The following HYDIN variants were observed in gnomAD, a reference collection of about 807,000 sequenced individuals.
The protein encoded by HYDIN is HYDIN axonemal central pair apparatus protein.
In HYDIN, 132 loss-of-function variants were observed where a neutral mutation model predicts 403.9. The ratio of observed to expected loss-of-function variants is 0.33; its 90% CI spans 0.28 to 0.38. HYDIN has a LOEUF of 0.38. Among genes scored for constraint, HYDIN ranks in the 10% least tolerant of loss-of-function variants. HYDIN has a pLI of 1.00. For synonymous variants in HYDIN, 1,202 were observed against 1,891.7 expected (o/e 0.64, Z 9.46); for missense variants, 2,827 against 5,009.5 (o/e 0.56, Z 13.15).
At chr16:71,172,535 G>C (rs2086509535) in intron 5 of HYDIN, among the ~76,000 whole-genome samples, 1 of 152,110 alleles carries the variant, frequency 6.6e-6, no homozygotes, top group Non-Finnish European at 1.5e-5. Context: ...TAAAAAGTCT[G>C]AGTGAGGAGA....
chr16:70,999,181 A>C (rs1238684870), intron 23 of HYDIN, among the ~76,000 whole-genome samples: 1 of 152,222 alleles, frequency 6.6e-6, no homozygotes, highest in African/African-American at 2.4e-5. Context: ...TTGGCTGGCC[A>C]TTGGGATCCT....
At chr16:70,824,823 T>C (rs1324399024) in intron 83 of HYDIN, among the ~76,000 whole-genome samples, 1 of 152,188 alleles carries the variant, frequency 6.6e-6, no homozygotes, top group Non-Finnish European at 1.5e-5. Context: ...TATTTTCAGA[T>C]AGAATTTGTG....
intron 1 of HYDIN, among the ~76,000 whole-genome samples, chr16:71,212,832 C>G (rs117123941): frequency 6.6e-6 from 1 of 151,922 alleles, no homozygotes. Flanking sequence ...AATGAAGATT[C>G]AAGAAGCTCA....
At chr16:70,942,375 T>C (rs2077706794) in intron 42 of HYDIN, among the ~76,000 whole-genome samples, 1 of 151,608 alleles carries the variant, frequency 6.6e-6, no homozygotes, top group Non-Finnish European at 1.5e-5. Context: ...TAGAAATAAA[T>C]GAACAAACAA....
At chr16:70,977,625 G>A (rs551845709) in intron 30 of HYDIN, among the ~76,000 whole-genome samples, 2 of 134,916 alleles carry the variant, frequency 1.5e-5, no homozygotes, top group African/African-American at 2.9e-5. Flanking sequence ...AACAATATTC[G>A]CATGCACATT....
chr16:70,825,105 A>G (rs2036511219), intron 83 of HYDIN, among the ~76,000 whole-genome samples: 1 of 152,198 alleles, frequency 6.6e-6, no homozygotes, highest in South Asian at 2.1e-4. Flanking sequence ...TTTTGCTGTC[A>G]TAAGAGTTTT....
At chr16:71,195,703 G>A (rs564302719) in intron 1 of HYDIN, among the ~76,000 whole-genome samples, 1 of 152,212 alleles carries the variant, frequency 6.6e-6, no homozygotes, top group East Asian at 1.9e-4. Flanking sequence ...CCCTTGAAAA[G>A]CTTCTTAAAA....
At chr16:70,842,305 T>G (rs866756753) in intron 75 of HYDIN, among the ~76,000 whole-genome samples, 19 of 152,222 alleles carry the variant, frequency 1.2e-4, no homozygotes, top group South Asian at 2.1e-4. Context: ...CAACTATGAT[T>G]GTTGAATTGT....
chr16:71,063,885 A>G (rs1001679788), intron 16 of HYDIN, among the ~76,000 whole-genome samples: 1 of 150,938 alleles, frequency 6.6e-6, no homozygotes, highest in Non-Finnish European at 1.5e-5. Context: ...ATCTGAAGAC[A>G]AAATTCTGGC....
At chr16:71,224,503 T>C (rs2040941369) in intron 1 of HYDIN, among the ~76,000 whole-genome samples, 1 of 152,112 alleles carries the variant, frequency 6.6e-6, no homozygotes, top group African/African-American at 2.4e-5. Flanking sequence ...AAATGATTGA[T>C]GAATCATTCT....
chr16:70,889,965 A>G (rs373544731), intron 57 of HYDIN, among the ~76,000 whole-genome samples: 145 of 152,380 alleles, frequency 9.5e-4, no homozygotes, highest in African/African-American at 3.3e-3. Flanking sequence ...AGAAGATAGT[A>G]AGTTTTAAAT....
At chr16:71,051,318 G>A (rs1414541096) in intron 18 of HYDIN, among the ~76,000 whole-genome samples, 149 of 151,996 alleles carry the variant, frequency 9.8e-4, no homozygotes, top group African/African-American at 3.4e-3. Context: ...TGACATAGGC[G>A]TTTACCAAAA....
chr16:70,849,889 G>A lies in HYDIN; in HGVS notation c.12710C>T (p.Thr4237Ile). ...EFNFINTGKF[T>I]FSFQAQLCGS... ...ACACAGCTGTGCCTGGAAGCTGAAG[G>A]TGAACTTTCCAGTGTTGATAAAGTT... is the stretch of plus-strand genomic sequence containing the variant. The change falls in exon 75 of 86, where the codon ACC becomes ATC. Residue 4237 changes from threonine (T) to isoleucine (I), a missense_variant. Transcript: ENST00000393567. 3 of 730,996 alleles carry A rather than the reference G, an allele frequency of 4.1e-6. No homozygotes were observed. The highest frequency in any genetic ancestry group is 7.0e-6 in the Non-Finnish European group (3 of 426,734). The allele number at this position is 730,996 out of a possible 1,614,324, so 45.3% of individuals were successfully genotyped here.
intron 68 of HYDIN, 80 bp downstream of exon 68, chr16:70,863,005 G>T (rs1451713869): frequency 9.8e-7 from 1 of 1,019,378 alleles, no homozygotes; most frequent in African/African-American, 1.6e-5. Context: ...CCTCTGAGCA[G>T]TGCTGGCCTC....
intron 10 of HYDIN, among the ~76,000 whole-genome samples, chr16:71,110,317 AT>A (rs1390824547): frequency 7.0e-6 from 1 of 142,738 alleles, no homozygotes; most frequent in East Asian, 2.0e-4. Flanking sequence ...ATATATAAAA[AT>A]TTATATCTAA....
chr16:70,843,127 G>A (rs1287164632), intron 75 of HYDIN, among the ~76,000 whole-genome samples: 1 of 147,294 alleles, frequency 6.8e-6, no homozygotes. Flanking sequence ...GTGCCATGCT[G>A]GTGCGCTGCA....
intron 65 of HYDIN, among the ~76,000 whole-genome samples, chr16:70,871,254 G>A (rs1049548463): frequency 5.9e-5 from 9 of 151,986 alleles, no homozygotes; most frequent in Non-Finnish European, 1.2e-4. Context: ...CCCTAATAGC[G>A]CTCAAAGATT....
intron 6 of HYDIN, among the ~76,000 whole-genome samples, chr16:71,154,920 T>C: frequency 7.7e-6 from 1 of 129,876 alleles, no homozygotes. Context: ...ATTAAAGGGG[T>C]TGATATAGGT....
At chr16:71,130,470 GTTTTTTTTTTTTTTTTT>G (rs56853905) in intron 8 of HYDIN, among the ~76,000 whole-genome samples, 2 of 75,822 alleles carry the variant, frequency 2.6e-5, no homozygotes, top group Middle Eastern at 0.018. Flanking sequence ...ATATATACCG[GTTTTTTTTTTTTTTTTT>G]TTTTTTTTTT....
Sources: allele counts gnomAD v4.1 joint callset (sites outside exome capture counted in the v4.1 genomes callset), GRCh38; gene constraint gnomAD v4.1.1; transcripts MANE v1.5; gene names NCBI Gene and HGNC (gene_info 2026-07-23, HGNC 2026-07-21).